Variants in ADAP2 observed in about 807,000 individuals in gnomAD.
ADAP2 encodes the protein ArfGAP with dual PH domains 2.
In ADAP2, 42 loss-of-function variants were observed where a neutral mutation model predicts 54.9. The observed-to-expected ratio is 0.77, with a 90% confidence interval of 0.60 to 0.99. ADAP2 has a LOEUF of 0.99. Ranked by LOEUF, ADAP2 falls within the 50% of genes least tolerant of loss-of-function variation. The pLI is 0.00. For synonymous variants in ADAP2, 177 were observed against 180.1 expected (o/e 0.98, Z 0.14); for missense variants, 429 against 480.4 (o/e 0.89, Z 1.00).
At chr17:30,932,892 A>G (rs1404506299) in intron 4 of ADAP2, among the ~76,000 whole-genome samples, 1 of 152,126 alleles carries the variant, frequency 6.6e-6, no homozygotes, top group Non-Finnish European at 1.5e-5. Flanking sequence ...TAAATTGCAG[A>G]AAGACTCCTC....
At chr17:30,935,769 A>G (rs944861768) in intron 5 of ADAP2, among the ~76,000 whole-genome samples, 1 of 152,092 alleles carries the variant, frequency 6.6e-6, no homozygotes, top group Non-Finnish European at 1.5e-5. Flanking sequence ...CCTGAGCTAG[A>G]AGTGTGTTTG....
intron 7 of ADAP2, among the ~76,000 whole-genome samples, chr17:30,951,178 C>T (rs1904603302): frequency 6.6e-6 from 1 of 152,092 alleles, no homozygotes; most frequent in Non-Finnish European, 1.5e-5. Flanking sequence ...GTTTTGTCGC[C>T]ATGGTGACAG....
chr17:30,946,286 G>C (rs1279140940), intron 6 of ADAP2, among the ~76,000 whole-genome samples: 1 of 152,038 alleles, frequency 6.6e-6, no homozygotes, highest in Non-Finnish European at 1.5e-5. Context: ...AGACTGGAGT[G>C]CAGTGGCGTG....
At chr17:30,943,905 G>A (rs1222013031) in intron 5 of ADAP2, among the ~76,000 whole-genome samples, 2 of 151,170 alleles carry the variant, frequency 1.3e-5, no homozygotes, top group African/African-American at 4.9e-5. Context: ...ATAAGAACCA[G>A]ATTGGCCGGG....
intron 5 of ADAP2, among the ~76,000 whole-genome samples, chr17:30,934,880 A>G (rs867176588): frequency 2.6e-4 from 40 of 152,204 alleles, no homozygotes; most frequent in Non-Finnish European, 2.5e-4. Flanking sequence ...CAAAAAATAC[A>G]AAAATTAGCT....
Position 30,921,989 on chromosome 17 carries a change from G to A in ADAP2, c.-26G>A, listed in dbSNP as rs1169588775. 2.4e-6 allele frequency: 3 copies of A among 1,259,144 alleles called. No homozygotes were observed. Among genetic ancestry groups the A allele is most frequent in the African/African-American group, 1.6e-5 (1 of 64,054 alleles). 78.0% of individuals were successfully genotyped at this position (1,259,144 alleles called of 1,614,324 possible). On this transcript the variant is annotated 5_prime_UTR_variant, in exon 1 of 11. Coordinates refer to ENST00000330889, the MANE Select transcript of ADAP2 (RefSeq NM_018404.3). ...GCGGAGCGCACGGGCCATGGGCTGA[G>A]CCCCGCTGAGCCCGCCGGGCCGGCC...
At chr17:30,938,298 G>C (rs933929295) in intron 5 of ADAP2, among the ~76,000 whole-genome samples, 1 of 152,114 alleles carries the variant, frequency 6.6e-6, no homozygotes, top group African/African-American at 2.4e-5. Flanking sequence ...TCTATATGGG[G>C]GCTCTGTCTT....
chr17:30,958,914 A>T lies in ADAP2; in HGVS notation c.*1045A>T, dbSNP rs1354118709. 1 of 151,824 alleles carries T rather than the reference A, an allele frequency of 6.6e-6. No individual in the cohort carries two copies. Among genetic ancestry groups the T allele is most frequent in the Non-Finnish European group, 1.5e-5 (1 of 68,000 alleles). The allele number at this position is 151,824 out of a possible 1,614,324, so 9.4% of individuals were successfully genotyped here. On this transcript the variant is annotated 3_prime_UTR_variant, in exon 11 of 11. Transcript: ENST00000330889. Reference sequence around the variant, plus strand: ...AAAAAAAAAAAAATCTATGCATTGTATGGGACTTTCCTTTGGATCCCCCAA... The same window carrying T: ...AAAAAAAAAAAAATCTATGCATTGTTTGGGACTTTCCTTTGGATCCCCCAA...
chr17:30,944,650 G>T (rs1912519373), intron 5 of ADAP2, among the ~76,000 whole-genome samples: 1 of 152,066 alleles, frequency 6.6e-6, no homozygotes, highest in African/African-American at 2.4e-5. Context: ...AGTAGAGACG[G>T]GGTTTTACCA....
chr17:30,944,241 TG>T (rs1889901843), intron 5 of ADAP2, among the ~76,000 whole-genome samples: 1 of 152,188 alleles, frequency 6.6e-6, no homozygotes, highest in African/African-American at 2.4e-5. Context: ...CAACGTGGAT[TG>T]ATCTGGAGAA....
chr17:30,927,395 C>T (rs544644523), intron 3 of ADAP2, among the ~76,000 whole-genome samples: 1 of 152,044 alleles, frequency 6.6e-6, no homozygotes, highest in East Asian at 1.9e-4. Flanking sequence ...GGGCAGATCA[C>T]GAGGTCAGGG....
chr17:30,956,434 T>C lies in ADAP2; in HGVS notation c.1076T>C (p.Val359Ala). 6.2e-7 allele frequency: 1 copy of C among 1,614,144 alleles called. No individual in the cohort carries two copies. Among genetic ancestry groups the C allele is most frequent in the Middle Eastern group, 1.6e-4 (1 of 6,062 alleles). ...QQEWLESLRGVLSSPLTPLNR... is the reference protein window; with the variant it reads ...QQEWLESLRGALSSPLTPLNR... ...GAATGGCTGGAAAGTTTGCGGGGTG[T>C]CCTGTCCAGCCCCTTGACGCCCCTC... The change falls in exon 10 of 11, where the codon GTC becomes GCC. Residue 359 changes from valine (V) to alanine (A), a missense_variant. Val to Ala is a moderately conservative substitution (Grantham distance 64). Transcript: ENST00000330889.
intron 9 of ADAP2, among the ~76,000 whole-genome samples, chr17:30,954,830 G>A (rs764174762): frequency 3.3e-5 from 5 of 152,068 alleles, no homozygotes; most frequent in Admixed American, 6.6e-5. Flanking sequence ...AGTCTCCAGG[G>A]CTCACTTCTA....
intron 8 of ADAP2, among the ~76,000 whole-genome samples, chr17:30,953,998 A>G (rs1348056386): frequency 1.3e-5 from 2 of 152,142 alleles, no homozygotes; most frequent in Non-Finnish European, 2.9e-5. Context: ...GTGTTAGGCA[A>G]TCATGAAAGC....
intron 8 of ADAP2, chr17:30,954,273 T>C: frequency 1.9e-6 from 1 of 523,060 alleles, no homozygotes; most frequent in South Asian, 2.8e-5. Context: ...TATGGTGGGG[T>C]TGGAAGGGGA....
intron 3 of ADAP2, among the ~76,000 whole-genome samples, chr17:30,927,899 G>A (rs958543361): frequency 2.0e-5 from 3 of 152,062 alleles, no homozygotes; most frequent in South Asian, 2.1e-4. Context: ...ATAGTAGCAC[G>A]TGCCTGTAGT....
intron 3 of ADAP2, among the ~76,000 whole-genome samples, chr17:30,928,744 G>A (rs1253902646): frequency 6.6e-6 from 1 of 152,122 alleles, no homozygotes; most frequent in Non-Finnish European, 1.5e-5. Flanking sequence ...CAGCAGGAGG[G>A]TTCAGGTCCC....
At chr17:30,938,984 T>C (rs1167650740) in intron 5 of ADAP2, among the ~76,000 whole-genome samples, 2 of 152,102 alleles carry the variant, frequency 1.3e-5, no homozygotes, top group African/African-American at 4.8e-5. Flanking sequence ...AATAATAATA[T>C]AAAAGGTCTG....
intron 5 of ADAP2, among the ~76,000 whole-genome samples, chr17:30,942,972 C>T (rs535301155): frequency 1.3e-4 from 20 of 152,258 alleles, no homozygotes; most frequent in African/African-American, 2.6e-4. Flanking sequence ...AGTTCAGCCA[C>T]GGTAGAAAGC....
Sources: gnomAD v4.1 joint callset for allele counts (sites outside exome capture counted in the v4.1 genomes callset) on GRCh38, gnomAD v4.1.1 for gene constraint, MANE v1.5 for transcripts, NCBI Gene and HGNC (gene_info 2026-07-23, HGNC 2026-07-21) for gene names.